Variants in DSP observed in about 807,000 individuals in gnomAD.
DSP encodes the protein desmoplakin.
In DSP, 114 loss-of-function variants were observed where a neutral mutation model predicts 290.6. The observed-to-expected ratio is 0.39, with a 90% CI of 0.34 to 0.46. The LOEUF is 0.46. Ranked by LOEUF, DSP falls within the 20% of genes least tolerant of loss-of-function variation. The pLI is 0.99. For synonymous variants in DSP, 1,311 were observed against 1,316.4 expected, an observed-to-expected ratio of 1.00 and a Z score of 0.09; for missense variants, 3,230 against 3,495.8, an observed-to-expected ratio of 0.92 and a Z score of 1.92.
At chr6:7,578,205 C>G (rs1759304723) in intron 21 of DSP, among the ~76,000 whole-genome samples, 1 of 152,194 alleles carries the variant, frequency 6.6e-6, no homozygotes, top group South Asian at 2.1e-4. Flanking sequence ...TTCTAAAAGA[C>G]AGCCTCTTCT....
rs1208037043 is a variant in DSP at position 7,580,782 on chromosome 6, A to C, written c.4592A>C (p.Gln1531Pro). 6.2e-7 allele frequency: 1 copy of C among 1,614,064 alleles called. No homozygotes were observed. Among genetic ancestry groups the C allele is most frequent in the African/African-American group, 1.3e-5 (1 of 74,940 alleles). The change falls in exon 23 of 24, where the codon CAG becomes CCG. Residue 1531 changes from glutamine to proline, a missense_variant. Physicochemically the swap from Gln to Pro is moderately conservative, Grantham distance 76. Transcript: ENST00000379802. The surrounding 1 kb of genome is among the most constrained non-coding windows in gnomAD (Gnocchi z 4.2). ...ATETINKLKV[Q>P]EQELTRLRID... ...GAGACAATAAACAAACTGAAGGTTC[A>C]GGAGCAAGAACTGACACGCCTGAGG...
chr6:7,558,506 AC>A (rs1196341812), intron 3 of DSP, among the ~76,000 whole-genome samples: 11 of 128,220 alleles, frequency 8.6e-5, no homozygotes, highest in Non-Finnish European at 3.3e-5. Context: ...ATGGCATTTG[AC>A]TTTTTTTTTT....
At position 7,585,711 on chromosome 6, in the gene DSP, TACA is replaced by T; in HGVS notation, c.8453_8455del (p.Asn2818del). On this transcript the variant is annotated inframe_deletion, in exon 24 of 24. Transcript: ENST00000379802. ...GTCGTCCAAGGGCTTACCCAGCCCTTACAACATGTCTTCGGCTCCGGGGTCCCG... is the reference window on the plus strand; with the variant it reads ...GTCGTCCAAGGGCTTACCCAGCCCTTACATGTCTTCGGCTCCGGGGTCCCG... The T allele has an allele frequency of 6.2e-7, 1 of 1,613,578 alleles. No homozygotes were observed. Among genetic ancestry groups the T allele is most frequent in the Non-Finnish European group, 8.5e-7 (1 of 1,179,748 alleles).
chr6:7,569,027 C>T (rs1003378177), intron 11 of DSP, among the ~76,000 whole-genome samples, 159 bp from the exon 12 acceptor site: 9 of 151,982 alleles, frequency 5.9e-5, no homozygotes, highest in Non-Finnish European at 2.9e-5. Flanking sequence ...TTTAAAGCAT[C>T]GGTATTGTTG....
In DSP at chr6:7,571,396, G is replaced by A. The variant is rs370531666; in HGVS notation, c.1715G>A (p.Arg572Gln). 25 of 1,613,970 alleles carry A rather than the reference G, an allele frequency of 1.5e-5. No homozygotes were observed. Among genetic ancestry groups the A allele is most frequent in the Middle Eastern group, 3.3e-4 (2 of 6,084 alleles). ...GTCTCCTTTCAGCTGAAAACAATGC[G>A]GCAGGAAGATTACATGAAGACGATA... ...AMTIAKLKTM[R>Q]QEDYMKTIAD... The change falls in exon 14 of 24, where the codon CGG becomes CAG. Residue 572 changes from arginine to glutamine, a missense_variant. Physicochemically the swap from Arg to Gln is conservative, Grantham distance 43. This residue lies in a region of DSP where 81 missense variants were observed against 130.5 expected (regional missense o/e 0.62). Coordinates refer to ENST00000379802, the MANE Select transcript of DSP (RefSeq NM_004415.4).
At position 7,568,556 on chromosome 6, in the gene DSP, T is replaced by C. The variant is rs1758933933; in HGVS notation, c.1386T>C (p.Ile462=). 6.2e-7 allele frequency: 1 copy of C among 1,614,068 alleles called. No homozygotes were observed. The highest frequency in any genetic ancestry group is 8.5e-7 in the Non-Finnish European group (1 of 1,180,026). ...ACTACAGAAGCAATAAACCCATTATTCTCAGAGCTCTCTGTGACTACAAAC... is the reference window on the plus strand; with the variant it reads ...ACTACAGAAGCAATAAACCCATTATCCTCAGAGCTCTCTGTGACTACAAAC... ...NPDYRSNKPI[I]LRALCDYKQD... The change falls in exon 11 of 24, where the codon ATT becomes ATC. Residue 462 remains isoleucine, a synonymous_variant. Transcript: ENST00000379802.
chr6:7,565,324 G>A lies in DSP; in HGVS notation c.778-35G>A. The A allele has an allele frequency of 1.9e-6, 3 of 1,612,836 alleles. No homozygotes were observed. Among genetic ancestry groups the A allele is most frequent in the Non-Finnish European group, 2.5e-6 (3 of 1,179,606 alleles). On this transcript the variant is annotated intron_variant, in intron 6 of 23. Coordinates refer to ENST00000379802, the MANE Select transcript of DSP (RefSeq NM_004415.4). This position sits in a 1 kb window ranked among gnomAD's most constrained non-coding sequence, Gnocchi z 4.2. ...CAGAGAACACCAGTCACTGCATATT[G>A]TTATTTTAATGCTGCCTTTGAACCT...
chr6:7,552,595 T>C (rs1581788255), intron 1 of DSP, among the ~76,000 whole-genome samples: 1 of 143,364 alleles, frequency 7.0e-6, no homozygotes, highest in African/African-American at 2.6e-5. Flanking sequence ...CATATGGAAA[T>C]GGAAATCCTT....
intron 16 of DSP, among the ~76,000 whole-genome samples, 196 bp from the exon 17 acceptor site, chr6:7,574,461 T>A (rs1229115889): frequency 2.0e-5 from 3 of 152,220 alleles, no homozygotes; most frequent in Non-Finnish European, 4.4e-5. Flanking sequence ...AACTAAGTTA[T>A]GCTCTAAGGG....
At chr6:7,557,828 A>G (rs1337542185) in intron 2 of DSP, among the ~76,000 whole-genome samples, 1 of 151,732 alleles carries the variant, frequency 6.6e-6, no homozygotes, top group Non-Finnish European at 1.5e-5. Context: ...ATTATATGAG[A>G]CTTGTGTGTA....
chr6:7,579,966 G>A lies in DSP; in HGVS notation c.3776G>A (p.Ser1259Asn). ...LKDEIVRLND[S>N]ILQATEQRRR... is the part of the protein sequence containing the mutation. The stretch of plus-strand genomic sequence containing the variant: ...GATGAAATTGTCAGGCTCAATGACA[G>A]CATCTTGCAGGCCACTGAGCAGCGA... Residue 1259 changes from serine (S) to asparagine (N), a missense_variant, in exon 23 of 24, where the codon AGC becomes AAC. Ser to Asn is a conservative substitution (Grantham distance 46). Around this residue, in one of 5 missense-constraint regions of DSP, gnomAD observed 1,714 missense variants for 1,844.5 expected, o/e 0.93. Transcript: ENST00000379802. This position sits in a 1 kb window ranked among gnomAD's most constrained non-coding sequence, Gnocchi z 4.1. 2 of 1,614,146 alleles carry A rather than the reference G, an allele frequency of 1.2e-6. No homozygotes were observed. Among genetic ancestry groups the A allele is most frequent in the Non-Finnish European group, 1.7e-6 (2 of 1,180,024 alleles).
intron 1 of DSP, among the ~76,000 whole-genome samples, chr6:7,549,896 T>C (rs1354757891): frequency 6.6e-6 from 1 of 152,228 alleles, no homozygotes; most frequent in East Asian, 1.9e-4. Context: ...TATAAAAGTA[T>C]TTTTATAAAA....
At chr6:7,575,272 T>A (rs1363157948) in intron 17 of DSP, 23 bp from the exon 18 acceptor site, 3 of 1,609,302 alleles carry the variant, frequency 1.9e-6, no homozygotes, top group Non-Finnish European at 2.6e-6. Context: ...TAATTTGCAA[T>A]CTTTTTTTTT....
intron 15 of DSP, 70 bp downstream of exon 15, chr6:7,572,138 A>G (rs1759076474): frequency 7.3e-7 from 1 of 1,374,472 alleles, no homozygotes; most frequent in Non-Finnish European, 1.0e-6. Context: ...AATAAAAAAA[A>G]TCCTGGTTTA....
rs56891607 is a variant in DSP at position 7,573,118 on chromosome 6, ATGTG to A, written c.2131-950_2131-947del. 2.1e-3 allele frequency among the ~76,000 whole-genome samples: 321 copies of A among 150,022 alleles called. 3 individuals are homozygous for A. The highest frequency in any genetic ancestry group is 7.3e-3 in the African/African-American group (299 of 40,856). ...GCAAGACCCTTCTCTTTAAAAAAAA[ATGTG>A]TGTGTGTGTGTGTGTGTTTATATGT... is the stretch of plus-strand genomic sequence containing the variant. On this transcript the variant is annotated intron_variant, in intron 15 of 23. Coordinates refer to ENST00000379802, the MANE Select transcript of DSP (RefSeq NM_004415.4).
chr6:7,575,957 G>C (rs527853278), intron 18 of DSP, among the ~76,000 whole-genome samples: 2 of 152,216 alleles, frequency 1.3e-5, no homozygotes, highest in Non-Finnish European at 2.9e-5. Context: ...ATTGTGACTG[G>C]CTTCTTTCAC....
rs776333869 is a variant in DSP at position 7,575,447 on chromosome 6, G to C, written c.2589G>C (p.Leu863=). 5 of 1,614,182 alleles carry C rather than the reference G, an allele frequency of 3.1e-6. No homozygotes were observed. Among genetic ancestry groups the C allele is most frequent in the Non-Finnish European group, 4.2e-6 (5 of 1,180,036 alleles). Residue 863 remains leucine (L), a synonymous_variant, in exon 18 of 24, where the codon CTG becomes CTC. Coordinates refer to ENST00000379802, the MANE Select transcript of DSP (RefSeq NM_004415.4). ...LGKFGEKVTQ[L]TDRWQRIDKQ... ...AGTTCGGTGAAAAAGTCACACAGCTGACAGACCGCTGGCAAAGGATAGATA... is the reference window on the plus strand; with the variant it reads ...AGTTCGGTGAAAAAGTCACACAGCTCACAGACCGCTGGCAAAGGATAGATA...
At chr6:7,543,231 T>A (rs1326787463) in intron 1 of DSP, among the ~76,000 whole-genome samples, 2 of 152,154 alleles carry the variant, frequency 1.3e-5, no homozygotes, top group Non-Finnish European at 1.5e-5. Context: ...GGACGTTATT[T>A]ACCAGGCGTT....
chr6:7,556,560 A>G (rs1396859520), intron 2 of DSP, among the ~76,000 whole-genome samples: 1 of 152,232 alleles, frequency 6.6e-6, no homozygotes, highest in Non-Finnish European at 1.5e-5. Context: ...ACTGGTATCA[A>G]GGTTACATCT....
Sources: gnomAD v4.1 joint callset for allele counts (sites outside exome capture counted in the v4.1 genomes callset) on GRCh38, gnomAD v4.1.1 for gene constraint, gnomAD v4.1.1 regional missense constraint, Gnocchi (gnomAD v3.1) non-coding constraint, MANE v1.5 for transcripts, NCBI Gene and HGNC (gene_info 2026-07-23, HGNC 2026-07-21) for gene names.